The following INPP4B variants were observed in gnomAD, a reference collection of about 807,000 sequenced individuals.
The protein encoded by INPP4B is inositol polyphosphate-4-phosphatase type II B.
In INPP4B, 55 loss-of-function variants were observed where a neutral mutation model predicts 122.5. The ratio of observed to expected loss-of-function variants is 0.45; its 90% CI spans 0.36 to 0.56. INPP4B has a LOEUF of 0.56. Among genes scored for constraint, INPP4B ranks in the 20% least tolerant of loss-of-function variants. The probability of loss-of-function intolerance (pLI) is 0.00; values close to 1 mark genes in which losing one functional copy is unlikely to be tolerated. For synonymous variants in INPP4B, 403 were observed against 388.7 expected (o/e 1.04, Z -0.43); for missense variants, 1,000 against 1,097.7 (o/e 0.91, Z 1.26).
intron 2 of INPP4B, among the ~76,000 whole-genome samples, chr4:142,705,458 A>C (rs13149601): frequency 6.8e-6 from 1 of 146,206 alleles, no homozygotes; most frequent in Admixed American, 6.8e-5. Context: ...TCCCACCCCA[A>C]ACACACACAC....
chr4:142,393,332 T>C (rs1194530825), intron 7 of INPP4B, among the ~76,000 whole-genome samples: 1 of 152,190 alleles, frequency 6.6e-6, no homozygotes, highest in Non-Finnish European at 1.5e-5. Flanking sequence ...GAGTCACTTA[T>C]GCTAAATATA....
intron 15 of INPP4B, among the ~76,000 whole-genome samples, chr4:142,178,109 C>T (rs754072221): frequency 2.0e-5 from 3 of 152,288 alleles, no homozygotes; most frequent in Admixed American, 6.5e-5. Flanking sequence ...AAACTGATCC[C>T]GAGATCTGCT....
At chr4:142,620,677 T>G (rs1744715956) in intron 2 of INPP4B, among the ~76,000 whole-genome samples, 1 of 151,960 alleles carries the variant, frequency 6.6e-6, no homozygotes, top group Non-Finnish European at 1.5e-5. Flanking sequence ...AAAATAAAGA[T>G]ATGAGTATTA....
At chr4:142,769,891 G>A (rs1772764580) in intron 1 of INPP4B, among the ~76,000 whole-genome samples, 1 of 152,086 alleles carries the variant, frequency 6.6e-6, no homozygotes, top group East Asian at 1.9e-4. Context: ...TCCAGCCTGG[G>A]CGACAGAGTG....
chr4:142,718,540 A>G (rs1021245103), intron 2 of INPP4B, among the ~76,000 whole-genome samples: 1 of 152,162 alleles, frequency 6.6e-6, no homozygotes, highest in Non-Finnish European at 1.5e-5. Flanking sequence ...GCTCAATGAT[A>G]AGAGTGTCTT....
chr4:142,102,616 T>C (rs1243546135), intron 23 of INPP4B, among the ~76,000 whole-genome samples: 1 of 152,060 alleles, frequency 6.6e-6, no homozygotes, highest in Non-Finnish European at 1.5e-5. Context: ...TTCAAGAGTT[T>C]TCTGTGACCT....
rs190078906 is a variant in INPP4B, at chr4:142,324,703, C to T, written c.373-9941G>A. On this transcript the variant is annotated intron_variant, in intron 7 of 25. Coordinates refer to ENST00000262992, the MANE Select transcript of INPP4B (RefSeq NM_001101669.3). ...TCTCAGTGTCAACTCAGCACTCCCC[C>T]TAGGGCATCTCTTGCCTGTTGTCAG... 1.0e-3 allele frequency among the ~76,000 whole-genome samples: 155 copies of T among 152,248 alleles called. 1 individual carries two copies. Among genetic ancestry groups the T allele is most frequent in the Non-Finnish European group, 1.9e-3 (131 of 68,012 alleles).
chr4:142,200,550 T>C (rs1001239619), intron 14 of INPP4B, among the ~76,000 whole-genome samples: 1 of 151,922 alleles, frequency 6.6e-6, no homozygotes, highest in African/African-American at 2.4e-5. Flanking sequence ...TCTGCCTCTA[T>C]TCTTTATTTT....
chr4:142,664,485 C>T (rs1214947464), intron 2 of INPP4B, among the ~76,000 whole-genome samples: 2 of 151,892 alleles, frequency 1.3e-5, no homozygotes, highest in Non-Finnish European at 2.9e-5. Context: ...AGGTGAGATA[C>T]TAGATCATTT....
intron 25 of INPP4B, among the ~76,000 whole-genome samples, chr4:142,073,270 C>T (rs1397618212): frequency 6.6e-6 from 1 of 152,122 alleles, no homozygotes; most frequent in Non-Finnish European, 1.5e-5. Flanking sequence ...CATTTTTGCT[C>T]ATAGGGCTTT....
intron 18 of INPP4B, among the ~76,000 whole-genome samples, chr4:142,130,369 G>A (rs1201132239): frequency 2.6e-5 from 4 of 152,108 alleles, no homozygotes; most frequent in African/African-American, 9.7e-5. Context: ...GGAGAAGGCA[G>A]GAATAAAACA....
chr4:142,436,809 T>TA (rs35215542), intron 3 of INPP4B, among the ~76,000 whole-genome samples: 95,110 of 138,750 alleles, frequency 0.69, 33,600 homozygotes, highest in Non-Finnish European at 0.83. Context: ...AAAGAATCAA[T>TA]AAAAAAAAAA....
At chr4:142,483,723 T>A (rs577980945) in intron 2 of INPP4B, among the ~76,000 whole-genome samples, 1 of 152,248 alleles carries the variant, frequency 6.6e-6, no homozygotes, top group East Asian at 1.9e-4. Context: ...CTGGGGATTA[T>A]CAGAAATTCT....
intron 18 of INPP4B, among the ~76,000 whole-genome samples, chr4:142,132,982 C>T (rs893786372): frequency 2.6e-5 from 4 of 152,176 alleles, no homozygotes; most frequent in Non-Finnish European, 5.9e-5. Flanking sequence ...TCATCAAAGA[C>T]ATCCGTACTG....
chr4:142,216,176 C>A (rs1478421670), intron 12 of INPP4B, among the ~76,000 whole-genome samples: 1 of 152,134 alleles, frequency 6.6e-6, no homozygotes, highest in Non-Finnish European at 1.5e-5. Flanking sequence ...GGAAAATCCA[C>A]CCCCTTGCTA....
chr4:142,273,945 A>T (rs942995107), intron 9 of INPP4B, among the ~76,000 whole-genome samples: 3 of 151,892 alleles, frequency 2.0e-5, no homozygotes, highest in African/African-American at 7.2e-5. Context: ...CTCTCTATTT[A>T]TTCTGTTAAA....
At chr4:142,030,073 A>T in intron 25 of INPP4B, 1 of 1,450,478 alleles carries the variant, frequency 6.9e-7, no homozygotes, top group Non-Finnish European at 9.1e-7. Flanking sequence ...CATTGTCCCC[A>T]TAATTTAAAG....
intron 15 of INPP4B, among the ~76,000 whole-genome samples, chr4:142,175,485 G>T (rs1243228065): frequency 6.6e-6 from 1 of 152,112 alleles, no homozygotes; most frequent in African/African-American, 2.4e-5. Context: ...AGAAGTCAAT[G>T]AAGGTATCAG....
intron 2 of INPP4B, among the ~76,000 whole-genome samples, chr4:142,610,657 T>C (rs1030824235): frequency 1.3e-5 from 2 of 152,198 alleles, no homozygotes; most frequent in African/African-American, 4.8e-5. Context: ...AAAACTGCAT[T>C]ATTTTTATGG....
Sources: gnomAD v4.1 joint callset for allele counts (sites outside exome capture counted in the v4.1 genomes callset) on GRCh38, gnomAD v4.1.1 for gene constraint, MANE v1.5 for transcripts, NCBI Gene and HGNC (gene_info 2026-07-23, HGNC 2026-07-21) for gene names.